Variants in GPR183 observed in about 807,000 individuals in gnomAD.
The protein encoded by GPR183 is EBV-induced G-protein coupled receptor 2.
In GPR183, 9 loss-of-function variants were observed where a neutral mutation model predicts 19.7. The observed-to-expected ratio is 0.46, with a 90% CI of 0.28 to 0.80. The LOEUF (loss-of-function observed/expected upper bound fraction) is 0.80. Ranked by LOEUF, GPR183 falls within the 30% of genes least tolerant of loss-of-function variation. The pLI, the probability that GPR183 is intolerant of heterozygous loss-of-function variation, is 0.13. For synonymous variants in GPR183, 160 were observed against 155.1 expected (o/e 1.03, Z -0.24); for missense variants, 368 against 446.7 (o/e 0.82, Z 1.59).
rs1412137052 is a variant in GPR183, at chr13:99,295,213, T to A, written c.933A>T (p.Ala311=). ...CCMDPFIYFF[A]CKGYKRKVMR... Reference sequence around the variant, plus strand: ...TAACCTTTCTCTTATACCCTTTACATGCAAAGAAGTAGATAAAAGGGTCCA... The same window carrying A: ...TAACCTTTCTCTTATACCCTTTACAAGCAAAGAAGTAGATAAAAGGGTCCA... The change falls in exon 2 of 2, where the codon GCA becomes GCT. Residue 311 remains alanine, a synonymous_variant. Transcript: ENST00000376414. The surrounding 1 kb of genome is among the most constrained non-coding windows in gnomAD (Gnocchi z 4.1). The A allele has an allele frequency of 6.2e-7, 1 of 1,613,990 alleles. No homozygotes were observed. The highest frequency in any genetic ancestry group is 8.5e-7 in the Non-Finnish European group (1 of 1,180,010).
At chr13:99,303,668 A>C (rs1160475587) in intron 1 of GPR183, among the ~76,000 whole-genome samples, 1 of 152,218 alleles carries the variant, frequency 6.6e-6, no homozygotes, top group Non-Finnish European at 1.5e-5. Flanking sequence ...CTCTGTGTCT[A>C]TAATATTTCT....
At chr13:99,297,506 C>T (rs767014328) in intron 1 of GPR183, among the ~76,000 whole-genome samples, 41 of 152,036 alleles carry the variant, frequency 2.7e-4, no homozygotes, top group Non-Finnish European at 5.3e-4. Context: ...ATTCTAACAA[C>T]CTTAAAACTG....
Position 99,294,640 on chromosome 13 carries a change from C to T in GPR183, c.*420G>A, listed in dbSNP as rs554490519. ...ATTGGTGTTATTGAGGGAATTAAAT[C>T]TAACATTGAGAGAAATTTGGATTTA... On this transcript the variant is annotated 3_prime_UTR_variant, in exon 2 of 2. Coordinates refer to ENST00000376414, the MANE Select transcript of GPR183 (RefSeq NM_004951.5). 6.5e-6 allele frequency: 1 copy of T among 154,516 alleles called. No individual in the cohort carries two copies. Among genetic ancestry groups the T allele is most frequent in the South Asian group, 2.0e-4 (1 of 5,010 alleles). The allele number at this position is 154,516 out of a possible 1,614,324, so 9.6% of individuals were successfully genotyped here. A position where few individuals can be genotyped will look rare whatever the true frequency, so the allele number is the denominator to read the frequency against.
At chr13:99,297,344 G>A (rs1475465826) in intron 1 of GPR183, among the ~76,000 whole-genome samples, 1 of 152,074 alleles carries the variant, frequency 6.6e-6, no homozygotes. Context: ...AAATTAAGGG[G>A]CACTTTCAGC....
rs566961130 is a variant in GPR183 at position 99,294,996 on chromosome 13, T to C, written c.*64A>G. ...GAAGCTGAACAATTATTTTGCTTTA[T>C]AAGGGAAGTCCTGCAAAGTTTGTCA... On this transcript the variant is annotated 3_prime_UTR_variant, in exon 2 of 2. Coordinates refer to ENST00000376414, the MANE Select transcript of GPR183 (RefSeq NM_004951.5). The C allele has an allele frequency of 3.6e-5, 54 of 1,514,450 alleles. No individual in the cohort carries two copies. The highest frequency in any genetic ancestry group is 4.5e-5 in the Non-Finnish European group (51 of 1,128,084). 93.8% of individuals were successfully genotyped at this position (1,514,450 alleles called of 1,614,324 possible).
chr13:99,303,648 T>C (rs2044288743), intron 1 of GPR183, among the ~76,000 whole-genome samples: 1 of 152,238 alleles, frequency 6.6e-6, no homozygotes, highest in Admixed American at 6.5e-5. Context: ...AAAGGCTCTT[T>C]ATAATGAAGC....
rs763138632 is a variant in GPR183, at chr13:99,295,267, T to G, written c.879A>C (p.Thr293=). The part of the protein sequence containing the change: ...RHSFQISLHF[T]VCLMNFNCCM... The stretch of plus-strand genomic sequence containing the variant: ...AGCAATTGAAGTTCATCAGGCATAC[T>G]GTAAAGTGCAGAGAAATCTGGAACG... The change falls in exon 2 of 2, where the codon ACA becomes ACC. Residue 293 remains threonine, a synonymous_variant. Transcript: ENST00000376414. The surrounding 1 kb of genome is among the most constrained non-coding windows in gnomAD (Gnocchi z 4.1). The G allele has an allele frequency of 5.6e-6, 9 of 1,614,056 alleles. No homozygotes were observed. In the South Asian group the frequency reaches 9.9e-5, roughly 18 times the overall value.
rs780432768 is a variant in GPR183 at position 99,295,669 on chromosome 13, T to C, written c.477A>G (p.Val159=). ...KGVCIFVWIL[V]FAQTLPLLIN... is the part of the protein sequence containing the mutation. ...TGAGGAGTGGGAGTGTCTGAGCAAATACTAGAATCCAGACAAATATGCACA... is the reference window on the plus strand; with the variant it reads ...TGAGGAGTGGGAGTGTCTGAGCAAACACTAGAATCCAGACAAATATGCACA... The change falls in exon 2 of 2, where the codon GTA becomes GTG. Residue 159 remains valine, a synonymous_variant. Transcript: ENST00000376414. This position sits in a 1 kb window ranked among gnomAD's most constrained non-coding sequence, Gnocchi z 4.1. 3.7e-6 allele frequency: 6 copies of C among 1,614,006 alleles called. No homozygotes were observed. Among genetic ancestry groups the C allele is most frequent in the South Asian group, 2.2e-5 (2 of 91,090 alleles).
intron 1 of GPR183, among the ~76,000 whole-genome samples, chr13:99,303,689 C>T (rs1266579831): frequency 2.0e-5 from 3 of 152,130 alleles, no homozygotes; most frequent in Admixed American, 2.0e-4. Context: ...CCTCTGAGTC[C>T]TGAATGTTTC....
rs947599917 is a variant in GPR183 at position 99,294,872 on chromosome 13, GTGCTTTATGTTGTT to G, written c.*174_*187del. 1.7e-5 allele frequency: 8 copies of G among 478,170 alleles called. No individual in the cohort carries two copies. The highest frequency in any genetic ancestry group is 2.8e-5 in the Non-Finnish European group (8 of 280,828). The allele number at this position is 478,170 out of a possible 1,614,324, so 29.6% of individuals were successfully genotyped here. On this transcript the variant is annotated 3_prime_UTR_variant, in exon 2 of 2. Transcript: ENST00000376414. ...TGAAATATTTATTTGCATTTTTATTGTGCTTTATGTTGTTTGCTTTATGTTGTTCTCTTGGGCTT... is the reference window on the plus strand; with the variant it reads ...TGAAATATTTATTTGCATTTTTATTGTGCTTTATGTTGTTCTCTTGGGCTT...
At chr13:99,301,838 T>G (rs543602270) in intron 1 of GPR183, among the ~76,000 whole-genome samples, 6 of 152,350 alleles carry the variant, frequency 3.9e-5, no homozygotes, top group Admixed American at 2.6e-4. Context: ...TTTACCATAT[T>G]CGGGGATTTA....
At position 99,305,387 on chromosome 13, in the gene GPR183, T is replaced by C. The variant is rs376739193; in HGVS notation, c.-19+1953A>G. ...CCACGCGTCCTCTACACAGGCCACGTCCAGGGCTGCCTAACAACTCCAGCA... is the reference window on the plus strand; with the variant it reads ...CCACGCGTCCTCTACACAGGCCACGCCCAGGGCTGCCTAACAACTCCAGCA... On this transcript the variant is annotated intron_variant, in intron 1 of 1. Transcript: ENST00000376414. 5.3e-5 allele frequency among the ~76,000 whole-genome samples: 8 copies of C among 152,310 alleles called. No individual in the cohort carries two copies. In the East Asian group the frequency reaches 1.4e-3, roughly 26 times the overall value.
At position 99,294,759 on chromosome 13, in the gene GPR183, ATAAT is replaced by A. The variant is rs1417998272; in HGVS notation, c.*297_*300del. On this transcript the variant is annotated 3_prime_UTR_variant, in exon 2 of 2. Coordinates refer to ENST00000376414, the MANE Select transcript of GPR183 (RefSeq NM_004951.5). ...TCTAGCCATTTGTTGGCAAGAAATAATAATTAAATTTTTTATTAAAACAAAACTT... is the reference window on the plus strand; with the variant it reads ...TCTAGCCATTTGTTGGCAAGAAATAATAAATTTTTTATTAAAACAAAACTT... The A allele has an allele frequency of 1.8e-5, 4 of 219,318 alleles. No homozygotes were observed. The highest frequency in any genetic ancestry group is 9.3e-5 in the African/African-American group (4 of 43,226). 13.6% of individuals were successfully genotyped at this position (219,318 alleles called of 1,614,324 possible). A position where few individuals can be genotyped will look rare whatever the true frequency, so the allele number is the denominator to read the frequency against.
chr13:99,302,189 C>A (rs1422259640), intron 1 of GPR183, among the ~76,000 whole-genome samples: 1 of 152,164 alleles, frequency 6.6e-6, no homozygotes, highest in Non-Finnish European at 1.5e-5. Context: ...CACACAGATA[C>A]TAATTATATG....
Position 99,295,061 on chromosome 13 carries a change from C to T in GPR183, c.1085G>A (p.Ter362=), listed in dbSNP as rs1163618045. 3 of 1,612,012 alleles carry T rather than the reference C, an allele frequency of 1.9e-6. No homozygotes were observed. The highest frequency in any genetic ancestry group is 2.5e-6 in the Non-Finnish European group (3 of 1,179,054). The change falls in exon 2 of 2, where the codon TGA becomes TAA. Residue 362 remains the stop codon, a stop_retained_variant. Coordinates refer to ENST00000376414, the MANE Select transcript of GPR183 (RefSeq NM_004951.5). This position sits in a 1 kb window ranked among gnomAD's most constrained non-coding sequence, Gnocchi z 4.1. ...MIHSKSSNGK[*] is the part of the protein sequence containing the mutation. ...CTATAAACCAAAATACAATCCATTT[C>T]ACTTTCCATTTGAAGACTTGGAATG...
rs528727129 is a variant in GPR183, at chr13:99,295,818, C to T, written c.328G>A (p.Val110Met). 2 of 1,609,572 alleles carry T rather than the reference C, an allele frequency of 1.2e-6. No individual in the cohort carries two copies. Among genetic ancestry groups the T allele is most frequent in the South Asian group, 1.1e-5 (1 of 90,608 alleles). The change falls in exon 2 of 2, where the codon GTG becomes ATG. Residue 110 changes from valine (V) to methionine (M), a missense_variant. Coordinates refer to ENST00000376414, the MANE Select transcript of GPR183 (RefSeq NM_004951.5). The surrounding 1 kb of genome is among the most constrained non-coding windows in gnomAD (Gnocchi z 4.1). Reference protein sequence around the residue: ...GDALCRITALVFYINTYAGVN... With the variant: ...GDALCRITALMFYINTYAGVN... The stretch of plus-strand genomic sequence containing the variant: ...CCTGCATATGTGTTGATGTAAAACA[C>T]TAGCGCAGTTATCCTACACAAGGCA...
intron 1 of GPR183, among the ~76,000 whole-genome samples, chr13:99,302,872 T>C (rs994335762): frequency 1.3e-5 from 2 of 152,188 alleles, no homozygotes; most frequent in Admixed American, 6.5e-5. Flanking sequence ...TTGTACACTG[T>C]AAGGTGACTT....
At chr13:99,300,432 TGTG>T (rs1232867034) in intron 1 of GPR183, among the ~76,000 whole-genome samples, 1 of 152,234 alleles carries the variant, frequency 6.6e-6, no homozygotes, top group Non-Finnish European at 1.5e-5. Flanking sequence ...GTGTTATTAA[TGTG>T]GTAGTTTTAG....
At chr13:99,296,326 A>C (rs2044172844) in intron 1 of GPR183, among the ~76,000 whole-genome samples, 163 bp from the exon 2 acceptor site, 2 of 152,218 alleles carry the variant, frequency 1.3e-5, no homozygotes, top group Admixed American at 1.3e-4. Flanking sequence ...AACAGTTTAT[A>C]ATTATAATAT....
Sources: gnomAD v4.1 joint callset for allele counts (sites outside exome capture counted in the v4.1 genomes callset) on GRCh38, gnomAD v4.1.1 for gene constraint, Gnocchi (gnomAD v3.1) non-coding constraint, MANE v1.5 for transcripts, NCBI Gene and HGNC (gene_info 2026-07-23, HGNC 2026-07-21) for gene names.